The following DNHD1 variants were observed in gnomAD, a reference collection of about 807,000 sequenced individuals.
DNHD1 encodes the protein dynein heavy chain domain-containing protein 1.
A neutral mutation model predicts 458.1 loss-of-function variants in DNHD1; 383 were observed. The ratio of observed to expected loss-of-function variants is 0.84; its 90% CI spans 0.77 to 0.91. The LOEUF (loss-of-function observed/expected upper bound fraction) is 0.91, where lower values mean the gene tolerates loss of function less well. Ranked by LOEUF, DNHD1 falls within the 40% of genes least tolerant of loss-of-function variation. DNHD1 has a pLI of 0.00. For synonymous variants in DNHD1, 2,203 were observed against 2,376.9 expected, an observed-to-expected ratio of 0.93 and a Z score of 2.13; for missense variants, 5,336 against 5,866.1, an observed-to-expected ratio of 0.91 and a Z score of 2.95.
rs1202036259 is a variant in DNHD1, at chr11:6,556,909, A to G, written c.7614A>G (p.Arg2538=). 26 of 1,551,588 alleles carry G rather than the reference A, an allele frequency of 1.7e-5. No homozygotes were observed. The highest frequency in any genetic ancestry group is 2.0e-5 in the Non-Finnish European group (23 of 1,147,002). ...ESMTQATLLE[R]HVPIIQAWLE... ...TGACCCAGGCCACCCTGCTGGAAAGACATGTGCCTATCATTCAGGCTTGGC... is the reference window on the plus strand; with the variant it reads ...TGACCCAGGCCACCCTGCTGGAAAGGCATGTGCCTATCATTCAGGCTTGGC... The change falls in exon 25 of 43, where the codon AGA becomes AGG. Residue 2538 remains arginine, a synonymous_variant. Transcript: ENST00000254579.
At chr11:6,531,505 G>T (rs1354140557) in intron 12 of DNHD1, among the ~76,000 whole-genome samples, 1 of 150,454 alleles carries the variant, frequency 6.6e-6, no homozygotes, top group Non-Finnish European at 1.5e-5. Context: ...TGTTGCTACT[G>T]GTCCAAAAGC....
In DNHD1 at chr11:6,548,138, A is replaced by G. The variant is rs1424885449; in HGVS notation, c.6906-72A>G. 6.5e-7 allele frequency: 1 copy of G among 1,541,916 alleles called. No individual in the cohort carries two copies. The highest frequency in any genetic ancestry group is 8.8e-7 in the Non-Finnish European group (1 of 1,138,562). On this transcript the variant is annotated intron_variant, in intron 22 of 42. Coordinates refer to ENST00000254579, the MANE Select transcript of DNHD1 (RefSeq NM_144666.3). This position sits in a 1 kb window ranked among gnomAD's most constrained non-coding sequence, Gnocchi z 4.4. ...TGACATCACTGTTAGGGTATGGTGG[A>G]GTGTGTGAGTGTGTCATAAATGGAA...
At chr11:6,525,855 G>A (rs1206435640) in intron 10 of DNHD1, among the ~76,000 whole-genome samples, 1 of 151,884 alleles carries the variant, frequency 6.6e-6, no homozygotes. Context: ...TGTTCTTTTT[G>A]CCTAGATTTT....
Position 6,557,885 on chromosome 11 carries a change from C to T in DNHD1, c.8590C>T (p.Arg2864Trp), listed in dbSNP as rs780788231. The T allele has an allele frequency of 2.5e-5, 38 of 1,550,924 alleles. No individual in the cohort carries two copies. Among genetic ancestry groups the T allele is most frequent in the Non-Finnish European group, 3.0e-5 (34 of 1,146,958 alleles). The change falls in exon 25 of 43, where the codon CGG becomes TGG. Residue 2864 changes from arginine to tryptophan, a missense_variant. Physicochemically the swap from Arg to Trp is moderately radical, Grantham distance 101. Transcript: ENST00000254579. Reference protein sequence around the residue: ...AQLKLSPHLARCHSMAQHVAR... With the variant: ...AQLKLSPHLAWCHSMAQHVAR... ...ACTGAAGTTGAGCCCCCACCTGGCC[C>T]GGTGTCATTCCATGGCCCAGCACGT... is the stretch of plus-strand genomic sequence containing the variant.
At chr11:6,542,509 C>T (rs1323294954) in intron 18 of DNHD1, among the ~76,000 whole-genome samples, 1 of 152,168 alleles carries the variant, frequency 6.6e-6, no homozygotes, top group African/African-American at 2.4e-5. Flanking sequence ...TCTAAGCTAG[C>T]ATTTGCACCA....
At position 6,556,944 on chromosome 11, in the gene DNHD1, TC is replaced by T. The variant is rs1853475311; in HGVS notation, c.7652del (p.Pro2551LeufsTer18). 1.9e-6 allele frequency: 3 copies of T among 1,551,742 alleles called. No individual in the cohort carries two copies. Among genetic ancestry groups the T allele is most frequent in the African/African-American group, 1.4e-5 (1 of 73,170 alleles). On this transcript the variant is annotated frameshift_variant, in exon 25 of 43. Transcript: ENST00000254579. LOFTEE classifies it high-confidence loss of function. ...VPIIQAWLER[F>X]PSVERERALA... is the part of the protein sequence containing the mutation. ...ATCATTCAGGCTTGGCTTGAGCGTT[TC>T]CCTTCTGTGGAACGGGAGCGTGCTC...
Position 6,557,733 on chromosome 11 carries a change from A to T in DNHD1, c.8438A>T (p.Gln2813Leu). 1.3e-6 allele frequency: 2 copies of T among 1,551,744 alleles called. No individual in the cohort carries two copies. Among genetic ancestry groups the T allele is most frequent in the Non-Finnish European group, 1.7e-6 (2 of 1,147,002 alleles). ...LLLPVLLLHP[Q>L]EKPSDLVFSQ... ...TTACCAGTGTTACTACTACATCCCC[A>T]GGAAAAGCCCTCAGACCTGGTCTTC... is the stretch of plus-strand genomic sequence containing the variant. The change falls in exon 25 of 43, where the codon CAG becomes CTG. Residue 2813 changes from glutamine (Q) to leucine (L), a missense_variant. Gln to Leu is a moderately radical substitution (Grantham distance 113). This residue lies in a region of DNHD1 where 3,932 missense variants were observed against 4,365.6 expected (regional missense o/e 0.90). Coordinates refer to ENST00000254579, the MANE Select transcript of DNHD1 (RefSeq NM_144666.3).
At chr11:6,554,592 AAAAC>A (rs1471224995) in intron 24 of DNHD1, among the ~76,000 whole-genome samples, 2 of 152,250 alleles carry the variant, frequency 1.3e-5, no homozygotes, top group Admixed American at 6.5e-5. Context: ...ACTCAATAAG[AAAAC>A]AAACATCATC....
chr11:6,537,340 C>T (rs932744562), intron 14 of DNHD1, among the ~76,000 whole-genome samples: 1 of 152,122 alleles, frequency 6.6e-6, no homozygotes, highest in Non-Finnish European at 1.5e-5. Flanking sequence ...TTTGGGCTGA[C>T]AGTTCATTCG....
chr11:6,522,189 T>G (rs1302948000), intron 10 of DNHD1, among the ~76,000 whole-genome samples: 5 of 147,210 alleles, frequency 3.4e-5, no homozygotes, highest in Middle Eastern at 3.2e-3. Flanking sequence ...AATGGGGCTG[T>G]TTTTTTTTTC....
At chr11:6,507,818 C>G (rs564054786) in intron 4 of DNHD1, among the ~76,000 whole-genome samples, 2 of 152,292 alleles carry the variant, frequency 1.3e-5, no homozygotes, top group Admixed American at 1.3e-4. Flanking sequence ...TTTCAGTTTT[C>G]CTATCTGTAA....
Position 6,546,223 on chromosome 11 carries a change from TTGTATGCCCCAC to T in DNHD1, c.5289_5300del (p.Ala1764_Tyr1767del). Reference sequence around the variant, plus strand: ...CCAGCGCCTGGGTGAACTGCACCACTTGTATGCCCCACTGTACCAGGAGGCTTCCCGAAACAC... The same window carrying T: ...CCAGCGCCTGGGTGAACTGCACCACTTGTACCAGGAGGCTTCCCGAAACAC... On this transcript the variant is annotated inframe_deletion, in exon 21 of 43. Coordinates refer to ENST00000254579, the MANE Select transcript of DNHD1 (RefSeq NM_144666.3). 1.3e-6 allele frequency: 2 copies of T among 1,551,838 alleles called. No individual in the cohort carries two copies. The highest frequency in any genetic ancestry group is 1.7e-6 in the Non-Finnish European group (2 of 1,146,920).
At chr11:6,506,941 T>A (rs774591428) in intron 4 of DNHD1, among the ~76,000 whole-genome samples, 4 of 152,212 alleles carry the variant, frequency 2.6e-5, no homozygotes, top group Non-Finnish European at 5.9e-5. Context: ...TTGCCCAGAT[T>A]AGGGACAGAT....
chr11:6,564,652 A>G lies in DNHD1; in HGVS notation c.10604A>G (p.His3535Arg). The G allele has an allele frequency of 3.9e-6, 6 of 1,551,664 alleles. No homozygotes were observed. The highest frequency in any genetic ancestry group is 5.2e-6 in the Non-Finnish European group (6 of 1,146,978). Residue 3535 changes from histidine (H) to arginine (R), a missense_variant, in exon 32 of 43, where the codon CAC (histidine) becomes CGC (arginine). Physicochemically the swap from His to Arg is conservative, Grantham distance 29. This residue lies in a region of DNHD1 where 3,932 missense variants were observed against 4,365.6 expected (regional missense o/e 0.90). Coordinates refer to ENST00000254579, the MANE Select transcript of DNHD1 (RefSeq NM_144666.3). Reference protein sequence around the residue: ...GNLKPQAKSAHLAGLLLRSPT... With the variant: ...GNLKPQAKSARLAGLLLRSPT... ...CTGAAGCCACAGGCAAAGTCGGCCC[A>G]CCTGGCAGGCTTGCTTCTGCGAAGC...
At chr11:6,543,404 G>C (rs6578761) in intron 18 of DNHD1, among the ~76,000 whole-genome samples, 100,737 of 151,998 alleles carry the variant, frequency 0.66, 34,334 homozygotes, top group African/African-American at 0.81. Flanking sequence ...ACCAAGACCC[G>C]TTTTAAGACA....
rs553423043 is a variant in DNHD1, at chr11:6,557,925, G to A, written c.8630G>A (p.Arg2877Gln). 241 of 1,551,370 alleles carry A rather than the reference G, an allele frequency of 1.6e-4. 2 individuals are homozygous for A. In the South Asian group the frequency reaches 2.1e-3, roughly 13 times the overall value. Reference protein sequence around the residue: ...SMAQHVARLVRVLARPRQHGL... With the variant: ...SMAQHVARLVQVLARPRQHGL... ...GCCCAGCACGTGGCCCGCCTGGTCCGGGTGCTGGCCAGGCCCCGGCAGCAT... is the reference window on the plus strand; with the variant it reads ...GCCCAGCACGTGGCCCGCCTGGTCCAGGTGCTGGCCAGGCCCCGGCAGCAT... Residue 2877 changes from arginine (R) to glutamine (Q), a missense_variant, in exon 25 of 43, where the codon CGG (arginine) becomes CAG (glutamine). Arg to Gln is a conservative substitution (Grantham distance 43, BLOSUM62 1). This residue lies in a region of DNHD1 where 3,932 missense variants were observed against 4,365.6 expected (regional missense o/e 0.90). Coordinates refer to ENST00000254579, the MANE Select transcript of DNHD1 (RefSeq NM_144666.3).
chr11:6,564,342 G>A lies in DNHD1; in HGVS notation c.10294G>A (p.Gly3432Arg). 6.5e-7 allele frequency: 1 copy of A among 1,534,910 alleles called. No homozygotes were observed. Among genetic ancestry groups the A allele is most frequent in the Non-Finnish European group, 8.8e-7 (1 of 1,135,578 alleles). Residue 3432 changes from glycine (G) to arginine (R), a missense_variant, in exon 32 of 43, where the codon GGA (glycine) becomes AGA (arginine). Physicochemically the swap from Gly to Arg is moderately radical, Grantham distance 125. Transcript: ENST00000254579. Reference sequence around the variant, plus strand: ...TTCCCTTCCACTCCAGAAGCTGAAGGGACGCTGCATGACTGTGTTTGGAGA... The same window carrying A: ...TTCCCTTCCACTCCAGAAGCTGAAGAGACGCTGCATGACTGTGTTTGGAGA... Reference protein sequence around the residue: ...AWTTQLQKLKGRCMTVFGDTL... With the variant: ...AWTTQLQKLKRRCMTVFGDTL...
intron 24 of DNHD1, among the ~76,000 whole-genome samples, chr11:6,552,099 G>T (rs1298966086): frequency 6.7e-6 from 1 of 149,468 alleles, no homozygotes; most frequent in Non-Finnish European, 1.5e-5. Flanking sequence ...TTTAAAAAAT[G>T]GATAATAAGG....
At chr11:6,550,613 C>T (rs1853319494) in intron 24 of DNHD1, among the ~76,000 whole-genome samples, 1 of 152,160 alleles carries the variant, frequency 6.6e-6, no homozygotes, top group Admixed American at 6.5e-5. Context: ...ATCTATATAG[C>T]TGTACGCTGT....
Sources: allele counts gnomAD v4.1 joint callset (sites outside exome capture counted in the v4.1 genomes callset), GRCh38; gene constraint gnomAD v4.1.1; regional missense constraint gnomAD v4.1.1; non-coding constraint Gnocchi (gnomAD v3.1); transcripts MANE v1.5; gene names NCBI Gene and HGNC (gene_info 2026-07-23, HGNC 2026-07-21).